GRM8: variants seen among roughly 807,000 people sequenced by gnomAD.
The protein encoded by GRM8 is metabotropic glutamate receptor 8.
GRM8 carries 47 observed loss-of-function variants against 87.2 expected under a neutral mutation model. The observed-to-expected ratio is 0.54, with a 90% confidence interval of 0.43 to 0.69. The LOEUF (loss-of-function observed/expected upper bound fraction) is 0.69. Ranked by LOEUF, GRM8 falls within the 30% of genes least tolerant of loss-of-function variation. GRM8 has a pLI of 0.00. For missense variants in GRM8, 1,019 were observed against 1,139.2 expected, an observed-to-expected ratio of 0.89 and a Z score of 1.52; for synonymous variants, 396 against 404.5, an observed-to-expected ratio of 0.98 and a Z score of 0.25.
intron 3 of GRM8, among the ~76,000 whole-genome samples, chr7:127,018,233 G>A (rs1459774484): frequency 1.3e-5 from 2 of 151,970 alleles, no homozygotes; most frequent in Non-Finnish European, 2.9e-5. Context: ...CACTTTGCCT[G>A]GAGTGTTAGA....
intron 1 of GRM8, among the ~76,000 whole-genome samples, chr7:127,248,790 G>A (rs1563608365): frequency 6.6e-6 from 1 of 152,094 alleles, no homozygotes; most frequent in Non-Finnish European, 1.5e-5. Context: ...ATCACGCTTG[G>A]GTCTAGTCAG....
At chr7:126,724,063 G>A (rs1812709531) in intron 7 of GRM8, among the ~76,000 whole-genome samples, 1 of 152,086 alleles carries the variant, frequency 6.6e-6, no homozygotes, top group Non-Finnish European at 1.5e-5. Flanking sequence ...AAGTGATTAT[G>A]TTTTTATGTT....
intron 3 of GRM8, among the ~76,000 whole-genome samples, chr7:127,060,240 T>A (rs532608207): frequency 6.6e-6 from 1 of 152,312 alleles, no homozygotes; most frequent in African/African-American, 2.4e-5. Flanking sequence ...TGAGAGCAAT[T>A]ATTTAAACTT....
chr7:126,844,407 G>A lies in GRM8; in HGVS notation c.1156+58135C>T, dbSNP rs1023082959. 5.3e-5 allele frequency among the ~76,000 whole-genome samples: 8 copies of A among 152,242 alleles called. No homozygotes were observed. In the East Asian group the frequency reaches 5.8e-4, roughly 11 times the overall value. On this transcript the variant is annotated intron_variant, in intron 6 of 10. Coordinates refer to ENST00000339582, the MANE Select transcript of GRM8 (RefSeq NM_000845.3). ...ATGTAACCAAACTTGTTTTGCAATC[G>A]TATATAAATATGGACAATATTTTTG...
chr7:126,973,456 G>A (rs964165370), intron 3 of GRM8, among the ~76,000 whole-genome samples: 1 of 152,180 alleles, frequency 6.6e-6, no homozygotes, highest in African/African-American at 2.4e-5. Flanking sequence ...CAATAGGTTG[G>A]TTGGGATAAT....
chr7:126,993,874 T>A (rs1049951521), intron 3 of GRM8, among the ~76,000 whole-genome samples: 1 of 152,182 alleles, frequency 6.6e-6, no homozygotes, highest in African/African-American at 2.4e-5. Context: ...GCTAAACTGC[T>A]CTGGGATCCT....
intron 2 of GRM8, among the ~76,000 whole-genome samples, chr7:127,189,352 G>C (rs1794901309): frequency 6.6e-6 from 1 of 152,146 alleles, no homozygotes; most frequent in African/African-American, 2.4e-5. Context: ...CTGGCCAGAG[G>C]GGGATGGGCA....
rs1198555296 is a variant in GRM8, at chr7:126,742,081, G to A, written c.1357+27784C>T. Among the ~76,000 whole-genome samples the A allele has an allele frequency of 3.9e-5, 6 of 151,960 alleles. No homozygotes were observed. In the East Asian group the frequency reaches 5.8e-4, roughly 15 times the overall value. Reference sequence around the variant, plus strand: ...GGAAAAGTTGGTCTTCAGTACAGGCGCGTTTCATACCTGCAAACCCTGTAT... The same window carrying A: ...GGAAAAGTTGGTCTTCAGTACAGGCACGTTTCATACCTGCAAACCCTGTAT... On this transcript the variant is annotated intron_variant, in intron 7 of 10. Coordinates refer to ENST00000339582, the MANE Select transcript of GRM8 (RefSeq NM_000845.3).
intron 2 of GRM8, among the ~76,000 whole-genome samples, chr7:127,173,741 G>A (rs561555525): frequency 3.4e-4 from 51 of 152,112 alleles, no homozygotes; most frequent in Non-Finnish European, 6.5e-4. Flanking sequence ...AGATTGATCC[G>A]TCTGATCTGA....
At chr7:127,160,283 C>A (rs1344859323) in intron 2 of GRM8, among the ~76,000 whole-genome samples, 1 of 152,120 alleles carries the variant, frequency 6.6e-6, no homozygotes, top group Non-Finnish European at 1.5e-5. Flanking sequence ...GGAAACCTGC[C>A]AACGGGACTT....
At chr7:126,610,680 C>A (rs963875692) in intron 7 of GRM8, among the ~76,000 whole-genome samples, 2 of 152,134 alleles carry the variant, frequency 1.3e-5, no homozygotes, top group African/African-American at 4.8e-5. Flanking sequence ...ACTTATCAAA[C>A]AAATCGATGA....
At chr7:127,006,131 C>A (rs931935730) in intron 3 of GRM8, among the ~76,000 whole-genome samples, 12 of 151,850 alleles carry the variant, frequency 7.9e-5, no homozygotes, top group African/African-American at 2.9e-4. Flanking sequence ...TTTCCCATCA[C>A]CAAATCTTCT....
chr7:126,892,090 T>A (rs528869186), intron 6 of GRM8, among the ~76,000 whole-genome samples: 1 of 148,782 alleles, frequency 6.7e-6, no homozygotes, highest in East Asian at 2.0e-4. Flanking sequence ...ATTGTATAAA[T>A]AAATATAGTT....
chr7:127,083,806 A>T (rs1586950472), intron 3 of GRM8, among the ~76,000 whole-genome samples: 1 of 152,078 alleles, frequency 6.6e-6, no homozygotes, highest in Non-Finnish European at 1.5e-5. Context: ...GTGTTTCCTG[A>T]TATCTCTGGG....
intron 3 of GRM8, among the ~76,000 whole-genome samples, chr7:126,945,462 C>T (rs1237048887): frequency 6.6e-6 from 1 of 152,138 alleles, no homozygotes; most frequent in Non-Finnish European, 1.5e-5. Flanking sequence ...ATCATGGTGT[C>T]ACAAGTAGAA....
At chr7:127,177,017 A>T (rs1794147910) in intron 2 of GRM8, among the ~76,000 whole-genome samples, 1 of 152,132 alleles carries the variant, frequency 6.6e-6, no homozygotes, top group Non-Finnish European at 1.5e-5. Context: ...AAGTCACGGG[A>T]GGGTGCAAAT....
intron 8 of GRM8, among the ~76,000 whole-genome samples, chr7:126,576,855 C>A (rs1795158463): frequency 6.6e-6 from 1 of 152,154 alleles, no homozygotes; most frequent in Non-Finnish European, 1.5e-5. Context: ...ATAAACCAGA[C>A]TTACACTTAC....
chr7:126,501,828 G>A (rs1182297608), intron 9 of GRM8, among the ~76,000 whole-genome samples: 1 of 151,910 alleles, frequency 6.6e-6, no homozygotes, highest in East Asian at 1.9e-4. Flanking sequence ...GAAGAGTCGG[G>A]GCAGGTCTGG....
chr7:126,499,342 C>T (rs1057439837), intron 9 of GRM8, among the ~76,000 whole-genome samples: 1 of 151,294 alleles, frequency 6.6e-6, no homozygotes, highest in Non-Finnish European at 1.5e-5. Context: ...AAAAGGAAAC[C>T]CTTCTATACT....
Sources: allele counts gnomAD v4.1 joint callset (sites outside exome capture counted in the v4.1 genomes callset), GRCh38; gene constraint gnomAD v4.1.1; transcripts MANE v1.5; gene names NCBI Gene and HGNC (gene_info 2026-07-23, HGNC 2026-07-21).